The following RBMS3 variants were observed in gnomAD, a reference collection of about 807,000 sequenced individuals.
RBMS3 encodes RNA-binding motif, single-stranded-interacting protein 3.
RBMS3 carries 27 observed loss-of-function variants against 66.8 expected under a neutral mutation model. The ratio of observed to expected loss-of-function variants is 0.40; its 90% CI spans 0.30 to 0.56. RBMS3 has a LOEUF of 0.56. Among genes scored for constraint, RBMS3 ranks in the 20% least tolerant of loss-of-function variants. The probability of loss-of-function intolerance (pLI) is 0.40; values close to 1 mark genes in which losing one functional copy is unlikely to be tolerated. For synonymous variants in RBMS3, 188 were observed against 183.0 expected (o/e 1.03, Z -0.22); for missense variants, 513 against 549.5 (o/e 0.93, Z 0.66).
rs192586716 is a variant in RBMS3, at chr3:29,997,560, C to T, written c.1308-6296C>T. ...ACGAATCCAGCAGCACATCAAAAAG[C>T]TTATCCACCATGATCAAGTGGGCTT... On this transcript the variant is annotated intron_variant, in intron 14 of 14. Transcript: ENST00000383767. 6.5e-3 allele frequency among the ~76,000 whole-genome samples: 984 copies of T among 150,788 alleles called. 17 individuals are homozygous for T. The highest frequency in any genetic ancestry group is 0.023 in the African/African-American group (923 of 40,548).
intron 3 of RBMS3, among the ~76,000 whole-genome samples, chr3:29,546,537 A>C (rs1340245178): frequency 6.6e-6 from 1 of 152,196 alleles, no homozygotes; most frequent in Non-Finnish European, 1.5e-5. Flanking sequence ...ACAAACAAAA[A>C]CACTGGTGTG....
intron 3 of RBMS3, among the ~76,000 whole-genome samples, chr3:29,533,439 G>A (rs963812781): frequency 6.6e-6 from 1 of 152,130 alleles, no homozygotes; most frequent in Non-Finnish European, 1.5e-5. Context: ...CTGTGATCAT[G>A]CTATTGCACT....
At chr3:29,477,578 T>A (rs944550218) in intron 2 of RBMS3, among the ~76,000 whole-genome samples, 2 of 152,070 alleles carry the variant, frequency 1.3e-5, no homozygotes, top group African/African-American at 4.8e-5. Flanking sequence ...AAATACAGCA[T>A]TTTATCACTG....
intron 1 of RBMS3, among the ~76,000 whole-genome samples, chr3:29,348,126 A>T (rs1485777601): frequency 6.6e-6 from 1 of 152,142 alleles, no homozygotes; most frequent in Non-Finnish European, 1.5e-5. Context: ...TAAACAACAC[A>T]TGAGTTTTCC....
chr3:29,875,173 G>A (rs954602560), intron 7 of RBMS3, among the ~76,000 whole-genome samples: 1 of 152,132 alleles, frequency 6.6e-6, no homozygotes, highest in Admixed American at 6.6e-5. Flanking sequence ...GGAGTTGTTG[G>A]TAGTGTCCTG....
At chr3:29,328,228 T>A (rs2035452640) in intron 1 of RBMS3, among the ~76,000 whole-genome samples, 3 of 152,190 alleles carry the variant, frequency 2.0e-5, no homozygotes, top group Admixed American at 6.5e-5. Flanking sequence ...ATTTTAAAAT[T>A]TAGAAAATTT....
chr3:29,967,978 TG>T (rs1018773654), intron 12 of RBMS3, among the ~76,000 whole-genome samples: 1 of 152,236 alleles, frequency 6.6e-6, no homozygotes, highest in Non-Finnish European at 1.5e-5. Flanking sequence ...AGTTCTGCTC[TG>T]ATCTTGGTTA....
chr3:29,356,602 A>G (rs903442618), intron 1 of RBMS3, among the ~76,000 whole-genome samples: 1 of 152,212 alleles, frequency 6.6e-6, no homozygotes, highest in African/African-American at 2.4e-5. Flanking sequence ...TGAAAATAGC[A>G]TAGCCACTGT....
chr3:29,921,987 C>T (rs997992030), intron 10 of RBMS3, among the ~76,000 whole-genome samples: 1 of 152,058 alleles, frequency 6.6e-6, no homozygotes, highest in African/African-American at 2.4e-5. Flanking sequence ...TCAACTGTGA[C>T]TCTAGGAGTT....
intron 2 of RBMS3, among the ~76,000 whole-genome samples, chr3:29,444,777 G>GA (rs1437064159): frequency 3.8e-5 from 3 of 79,342 alleles, no homozygotes; most frequent in Non-Finnish European, 8.3e-5. Context: ...CTTTCAAGCG[G>GA]AAATATATGC....
chr3:29,722,921 G>A (rs1008409623), intron 4 of RBMS3, among the ~76,000 whole-genome samples: 1 of 151,940 alleles, frequency 6.6e-6, no homozygotes, highest in African/African-American at 2.4e-5. Context: ...TTTCCATGGA[G>A]ATTGATGTAC....
intron 1 of RBMS3, among the ~76,000 whole-genome samples, chr3:29,320,242 G>A (rs2034925845): frequency 6.6e-6 from 1 of 152,022 alleles, no homozygotes; most frequent in Non-Finnish European, 1.5e-5. Context: ...CTGCAAATAT[G>A]AAGGAACGGA....
chr3:29,938,276 G>A (rs947050952), intron 11 of RBMS3, among the ~76,000 whole-genome samples: 16 of 151,886 alleles, frequency 1.1e-4, no homozygotes, highest in African/African-American at 3.9e-4. Context: ...TGACTTTTAG[G>A]CAGCTGGTGA....
chr3:29,967,565 G>A (rs1696933511), intron 12 of RBMS3, among the ~76,000 whole-genome samples: 1 of 152,188 alleles, frequency 6.6e-6, no homozygotes, highest in African/African-American at 2.4e-5. Flanking sequence ...AAAGTGCTGG[G>A]ATTACAGGCG....
chr3:29,402,562 A>G (rs908105531), intron 1 of RBMS3, among the ~76,000 whole-genome samples: 3 of 152,018 alleles, frequency 2.0e-5, no homozygotes, highest in Admixed American at 6.6e-5. Context: ...GATGGCAATG[A>G]GTTAGCTGTA....
rs557941228 is a variant in RBMS3 at position 29,662,978 on chromosome 3, G to C, written c.399+75773G>C. Among the ~76,000 whole-genome samples the C allele has an allele frequency of 6.6e-5, 10 of 152,312 alleles. No individual in the cohort carries two copies. The East Asian group carries it at 1.9e-3, about 29-fold the overall frequency. On this transcript the variant is annotated intron_variant, in intron 4 of 14. Transcript: ENST00000383767. Reference sequence around the variant, plus strand: ...TGTAAATGTGTTATCCAGCAAGAGGGAAGACAGTAGAATCCTTGGAGGCAG... The same window carrying C: ...TGTAAATGTGTTATCCAGCAAGAGGCAAGACAGTAGAATCCTTGGAGGCAG...
chr3:29,356,991 TGTTTA>T (rs1283378671), intron 1 of RBMS3, among the ~76,000 whole-genome samples: 3 of 152,206 alleles, frequency 2.0e-5, no homozygotes, highest in African/African-American at 7.2e-5. Flanking sequence ...TAAACAAAAA[TGTTTA>T]GTTTAGAAAG....
intron 1 of RBMS3, among the ~76,000 whole-genome samples, chr3:29,396,651 C>T (rs184591066): frequency 1.3e-5 from 2 of 152,016 alleles, no homozygotes; most frequent in Non-Finnish European, 2.9e-5. Context: ...TAGATCTAGA[C>T]AGAGCAGTAC....
At chr3:29,998,901 A>G (rs1321036798) in intron 14 of RBMS3, among the ~76,000 whole-genome samples, 1 of 152,134 alleles carries the variant, frequency 6.6e-6, no homozygotes, top group Non-Finnish European at 1.5e-5. Context: ...AATGGCAACA[A>G]AAGCCAAAAT....
Sources: gnomAD v4.1 joint callset for allele counts (sites outside exome capture counted in the v4.1 genomes callset) on GRCh38, gnomAD v4.1.1 for gene constraint, MANE v1.5 for transcripts, NCBI Gene and HGNC (gene_info 2026-07-23, HGNC 2026-07-21) for gene names.